SUPT3H: variants seen among roughly 807,000 people sequenced by gnomAD.
SUPT3H encodes the protein transcription initiation protein SPT3 homolog.
A neutral mutation model predicts 44.3 loss-of-function variants in SUPT3H; 44 were observed. That is an observed-to-expected ratio of 0.99 (90% CI 0.78 to 1.28). The LOEUF (loss-of-function observed/expected upper bound fraction) is 1.28, where lower values mean the gene tolerates loss of function less well. SUPT3H is among the 50% of genes most tolerant of loss of function. SUPT3H has a pLI of 0.00. For synonymous variants in SUPT3H, 124 were observed against 125.6 expected, an observed-to-expected ratio of 0.99 and a Z score of 0.09; for missense variants, 380 against 387.1, an observed-to-expected ratio of 0.98 and a Z score of 0.15.
At chr6:44,892,432 T>A (rs1262031811) in intron 10 of SUPT3H, among the ~76,000 whole-genome samples, 3 of 152,152 alleles carry the variant, frequency 2.0e-5, no homozygotes, top group African/African-American at 7.2e-5. Flanking sequence ...ACCCAGCAGC[T>A]TGATCTTGGA....
chr6:45,365,435 G>GATTCACTTATAAGT (rs1374743936), intron 1 of SUPT3H, 134 bp from the exon 2 acceptor site: 5 of 600,540 alleles, frequency 8.3e-6, no homozygotes, highest in Admixed American at 3.0e-5. Flanking sequence ...GCACAAAACT[G>GATTCACTTATAAGT]ATTCACTTAT....
intron 10 of SUPT3H, among the ~76,000 whole-genome samples, chr6:44,926,573 A>T (rs1266091984): frequency 6.6e-6 from 1 of 152,190 alleles, no homozygotes; most frequent in African/African-American, 2.4e-5. Context: ...CAATTCAAAG[A>T]AATACAAATT....
intron 9 of SUPT3H, among the ~76,000 whole-genome samples, chr6:44,940,144 A>G (rs892819221): frequency 6.6e-6 from 1 of 151,944 alleles, no homozygotes; most frequent in African/African-American, 2.4e-5. Flanking sequence ...TAGGTCATCA[A>G]TTTGGGATCT....
intron 3 of SUPT3H, among the ~76,000 whole-genome samples, chr6:45,089,496 C>A (rs1301008089): frequency 3.3e-5 from 5 of 151,992 alleles, no homozygotes; most frequent in Non-Finnish European, 5.9e-5. Context: ...CTCATCAGAG[C>A]TTCAAATTCA....
At chr6:44,866,982 G>A (rs1178775151) in intron 10 of SUPT3H, among the ~76,000 whole-genome samples, 1 of 152,146 alleles carries the variant, frequency 6.6e-6, no homozygotes, top group Non-Finnish European at 1.5e-5. Context: ...AAAGGAGAGT[G>A]AAAGGAAACA....
chr6:45,068,976 GC>G (rs1174186772), intron 3 of SUPT3H, among the ~76,000 whole-genome samples: 1 of 139,404 alleles, frequency 7.2e-6, no homozygotes, highest in Admixed American at 7.2e-5. Flanking sequence ...GTTTTACTTT[GC>G]AAAAAAAAAA....
intron 10 of SUPT3H, among the ~76,000 whole-genome samples, chr6:44,917,216 G>C (rs896185675): frequency 2.0e-5 from 3 of 152,044 alleles, no homozygotes; most frequent in Non-Finnish European, 4.4e-5. Context: ...CAAGTTGTCT[G>C]ACTCAAAAGC....
At chr6:45,305,008 T>G (rs1782767488) in intron 2 of SUPT3H, among the ~76,000 whole-genome samples, 1 of 152,228 alleles carries the variant, frequency 6.6e-6, no homozygotes, top group Non-Finnish European at 1.5e-5. Context: ...CCAATAGGAA[T>G]CACAGAGGAA....
Position 44,829,602 on chromosome 6 carries a change from C to T in SUPT3H, c.*214G>A. On this transcript the variant is annotated 3_prime_UTR_variant, in exon 11 of 11. Transcript: ENST00000371459. The stretch of plus-strand genomic sequence containing the variant: ...TCCACCTACAGACTATCCTAAACAT[C>T]CTGCCATTAATTAGCTGAACAGCCC... 1.8e-6 allele frequency: 1 copy of T among 545,146 alleles called. No homozygotes were observed. The highest frequency in any genetic ancestry group is 2.3e-5 in the South Asian group (1 of 44,008). 33.8% of individuals were successfully genotyped at this position (545,146 alleles called of 1,614,324 possible).
intron 3 of SUPT3H, among the ~76,000 whole-genome samples, chr6:45,052,849 G>A (rs902098532): frequency 2.6e-5 from 4 of 152,122 alleles, no homozygotes; most frequent in Admixed American, 6.5e-5. Flanking sequence ...GTGAGTAGAA[G>A]AGTATGAAAG....
intron 2 of SUPT3H, among the ~76,000 whole-genome samples, chr6:45,288,600 T>TAC (rs1779769664): frequency 2.4e-5 from 1 of 42,508 alleles, no homozygotes; most frequent in Non-Finnish European, 5.2e-5. Flanking sequence ...TATATATGTG[T>TAC]ATATATATAT....
At chr6:45,214,026 A>AAC (rs1764586106) in intron 2 of SUPT3H, among the ~76,000 whole-genome samples, 1 of 150,346 alleles carries the variant, frequency 6.7e-6, no homozygotes, top group African/African-American at 2.4e-5. Flanking sequence ...AAAAAAAAAA[A>AAC]AAAAAAAAAC....
At chr6:44,950,617 G>C (rs896112197) in intron 9 of SUPT3H, among the ~76,000 whole-genome samples, 4 of 151,964 alleles carry the variant, frequency 2.6e-5, no homozygotes, top group African/African-American at 9.7e-5. Flanking sequence ...AGAAAATCTA[G>C]AAAGTTAACT....
At chr6:45,076,451 G>C (rs2153555699) in intron 3 of SUPT3H, among the ~76,000 whole-genome samples, 1 of 151,618 alleles carries the variant, frequency 6.6e-6, no homozygotes, top group Admixed American at 6.6e-5. Context: ...ACCAGATGGA[G>C]ATGTTCTTCC....
At chr6:45,189,333 C>A (rs1392869149) in intron 2 of SUPT3H, among the ~76,000 whole-genome samples, 1 of 152,030 alleles carries the variant, frequency 6.6e-6, no homozygotes, top group East Asian at 1.9e-4. Context: ...TAAAACAAAA[C>A]CTTTAAGATA....
At chr6:44,838,879 T>C (rs1433971128) in intron 10 of SUPT3H, among the ~76,000 whole-genome samples, 3 of 152,252 alleles carry the variant, frequency 2.0e-5, no homozygotes, top group Admixed American at 6.5e-5. Flanking sequence ...ACTGTGAACA[T>C]ACTTTTACCT....
chr6:45,056,039 G>A (rs572850006), intron 3 of SUPT3H, among the ~76,000 whole-genome samples: 1 of 151,980 alleles, frequency 6.6e-6, no homozygotes, highest in African/African-American at 2.4e-5. Flanking sequence ...ATTCTCAAAA[G>A]AATATATACA....
chr6:45,038,266 A>G (rs1787985481), intron 3 of SUPT3H, among the ~76,000 whole-genome samples: 1 of 152,184 alleles, frequency 6.6e-6, no homozygotes, highest in African/African-American at 2.4e-5. Context: ...GCTTGTTCAG[A>G]GGGTACTCAA....
At chr6:44,894,837 A>G (rs1029385788) in intron 10 of SUPT3H, among the ~76,000 whole-genome samples, 1 of 151,786 alleles carries the variant, frequency 6.6e-6, no homozygotes, top group Non-Finnish European at 1.5e-5. Context: ...ATAGGGCAAT[A>G]ATATATTTTA....
Sources: gnomAD v4.1 joint callset for allele counts (sites outside exome capture counted in the v4.1 genomes callset) on GRCh38, gnomAD v4.1.1 for gene constraint, MANE v1.5 for transcripts, NCBI Gene and HGNC (gene_info 2026-07-23, HGNC 2026-07-21) for gene names.